The following MPP4 variants were observed in gnomAD, a reference collection of about 807,000 sequenced individuals.
MPP4 encodes MAGUK p55 subfamily member 4.
MPP4 carries 91 observed loss-of-function variants against 98.3 expected under a neutral mutation model. The observed-to-expected ratio is 0.93, with a 90% CI of 0.78 to 1.10. MPP4 has a LOEUF of 1.10. Among genes scored for constraint, MPP4 ranks in the 50% least tolerant of loss-of-function variants. The pLI is 0.00. For missense variants in MPP4, 744 were observed against 792.9 expected (o/e 0.94, Z 0.74); for synonymous variants, 261 against 271.8 (o/e 0.96, Z 0.39).
At chr2:201,663,940 A>C in intron 14 of MPP4, 141 bp downstream of exon 14, 1 of 427,480 alleles carries the variant, frequency 2.3e-6, no homozygotes. Flanking sequence ...GGTTGACAAC[A>C]TGATGTGGGA....
At chr2:201,678,877 C>T (rs1312570096) in intron 10 of MPP4, among the ~76,000 whole-genome samples, 2 of 152,128 alleles carry the variant, frequency 1.3e-5, no homozygotes, top group African/African-American at 4.8e-5. Flanking sequence ...TGTTCTGTCA[C>T]AGTTCTCAAT....
At chr2:201,651,055 C>A (rs1187988693) in intron 18 of MPP4, 2 of 985,244 alleles carry the variant, frequency 2.0e-6, no homozygotes, top group Admixed American at 6.2e-5. Flanking sequence ...ACAGTTTCAA[C>A]TCTGCATCCT....
intron 16 of MPP4, among the ~76,000 whole-genome samples, chr2:201,657,609 G>GTTTTT (rs745412884): frequency 1.6e-4 from 18 of 111,690 alleles, no homozygotes; most frequent in East Asian, 3.2e-4. Context: ...TTGTTTTTTT[G>GTTTTT]TTTTTTTTTG....
intron 21 of MPP4, 84 bp downstream of exon 21, chr2:201,647,607 A>G: frequency 6.8e-7 from 1 of 1,467,654 alleles, no homozygotes; most frequent in Middle Eastern, 2.3e-4. Flanking sequence ...CAATGAGATC[A>G]GAGATCCTTG....
intron 12 of MPP4, 102 bp downstream of exon 12, chr2:201,669,631 C>G: frequency 1.5e-6 from 1 of 671,594 alleles, no homozygotes. Flanking sequence ...ATAGGAAGAG[C>G]TTAATAAATA....
intron 10 of MPP4, among the ~76,000 whole-genome samples, chr2:201,677,137 G>T (rs1688526757): frequency 6.6e-6 from 1 of 152,044 alleles, no homozygotes; most frequent in African/African-American, 2.4e-5. Context: ...CTGGTAGTCT[G>T]ATCTCTCTCT....
At chr2:201,651,633 A>G (rs1273008288) in intron 18 of MPP4, 2 of 985,260 alleles carry the variant, frequency 2.0e-6, no homozygotes, top group Non-Finnish European at 2.4e-6. Context: ...TTCTGTGGGC[A>G]TTTTATTTTT....
chr2:201,697,813 T>A (rs556727693), intron 1 of MPP4: 8 of 493,698 alleles, frequency 1.6e-5, no homozygotes, highest in African/African-American at 1.0e-4. Context: ...AGATAAGGAA[T>A]CTGACATTCA....
At chr2:201,690,416 T>A in intron 3 of MPP4, 137 bp from the exon 4 acceptor site, 1 of 523,406 alleles carries the variant, frequency 1.9e-6, no homozygotes, top group Non-Finnish European at 3.4e-6. Flanking sequence ...TGGTGTTTAG[T>A]AAGTTGTGTC....
chr2:201,666,475 C>G, intron 12 of MPP4, 103 bp from the exon 13 acceptor site: 2 of 851,086 alleles, frequency 2.3e-6, no homozygotes, highest in Non-Finnish European at 3.5e-6. Context: ...GATCCCAGCA[C>G]TCTGGGAGGC....
At chr2:201,679,688 T>G (rs1423246952) in intron 10 of MPP4, among the ~76,000 whole-genome samples, 1 of 152,184 alleles carries the variant, frequency 6.6e-6, no homozygotes, top group Non-Finnish European at 1.5e-5. Flanking sequence ...TTCTCCCTTA[T>G]CATCAAAATG....
chr2:201,645,375 T>TA lies in MPP4; in HGVS notation c.1748dup (p.Leu583PhefsTer14), dbSNP rs1687532975. On this transcript the variant is annotated frameshift_variant, in exon 22 of 22. Coordinates refer to ENST00000409474, the MANE Select transcript of MPP4 (RefSeq NM_033066.3). LOFTEE classifies it high-confidence loss of function. ...CAAACTGAGTTTCCATTCTTTGGGC[T>TA]AAATTTTCCATCTCTTGTAGGTCTT... 1 of 1,613,916 alleles carries TA rather than the reference T, an allele frequency of 6.2e-7. No homozygotes were observed. The highest frequency in any genetic ancestry group is 1.3e-5 in the African/African-American group (1 of 74,934).
rs1574610031 is a variant in MPP4 at position 201,662,781 on chromosome 2, G to A, written c.1072+1300C>T. Among the ~76,000 whole-genome samples the A allele has an allele frequency of 2.6e-5, 4 of 152,118 alleles. No homozygotes were observed. The South Asian group carries it at 8.3e-4, about 32-fold the overall frequency. ...AAAGAAGAAAATTGCCTTAATTGGG[G>A]TAAAGATAATATGCCAAAGCAATTA... On this transcript the variant is annotated intron_variant, in intron 14 of 21. Transcript: ENST00000409474.
intron 3 of MPP4, among the ~76,000 whole-genome samples, chr2:201,692,528 A>G (rs1689061969): frequency 8.2e-6 from 1 of 121,982 alleles, no homozygotes; most frequent in African/African-American, 3.0e-5. Flanking sequence ...TGGGCAACAG[A>G]GTGAGACTCT....
intron 15 of MPP4, among the ~76,000 whole-genome samples, chr2:201,659,221 T>C (rs1053028238): frequency 6.6e-6 from 1 of 152,130 alleles, no homozygotes; most frequent in Non-Finnish European, 1.5e-5. Context: ...TATAATTTTT[T>C]TTTTCTGCAA....
chr2:201,656,163 A>AAGG (rs758076247), intron 17 of MPP4, 35 bp downstream of exon 17: 11 of 1,547,168 alleles, frequency 7.1e-6, no homozygotes, highest in Middle Eastern at 1.7e-4. Flanking sequence ...AAGACTTCTC[A>AAGG]AGGAGGAGGA....
intron 4 of MPP4, among the ~76,000 whole-genome samples, 174 bp from the exon 5 acceptor site, chr2:201,687,545 T>C (rs2105945152): frequency 6.6e-6 from 1 of 152,340 alleles, no homozygotes; most frequent in East Asian, 1.9e-4. Context: ...CATCCTTCTT[T>C]ATTCATTAAA....
chr2:201,660,477 G>A, intron 14 of MPP4, 131 bp from the exon 15 acceptor site: 2 of 960,214 alleles, frequency 2.1e-6, no homozygotes, highest in South Asian at 2.7e-5. Flanking sequence ...GGTAACTCGG[G>A]TAAGGCCTGG....
rs1687839249 is a variant in MPP4 at position 201,656,125 on chromosome 2, C to G, written c.1300+73G>C. 2.1e-6 allele frequency: 3 copies of G among 1,442,660 alleles called. No homozygotes were observed. In the East Asian group the frequency reaches 7.7e-5, roughly 37 times the overall value. 89.4% of individuals were successfully genotyped at this position (1,442,660 alleles called of 1,614,324 possible). A position where few individuals can be genotyped will look rare whatever the true frequency, so the allele number is the denominator to read the frequency against. On this transcript the variant is annotated intron_variant, in intron 17 of 21. Transcript: ENST00000409474. ...AAGAGTTCTACTTTCACCATTATTC[C>G]CAATGCAAGACACCTGAATCTAGAA...
Sources: gnomAD v4.1 joint callset for allele counts (sites outside exome capture counted in the v4.1 genomes callset) on GRCh38, gnomAD v4.1.1 for gene constraint, MANE v1.5 for transcripts, NCBI Gene and HGNC (gene_info 2026-07-23, HGNC 2026-07-21) for gene names.